The following LRIF1 variants were observed in gnomAD, a reference collection of about 807,000 sequenced individuals.
LRIF1 encodes ligand dependent nuclear receptor interacting factor 1.
In LRIF1, 32 loss-of-function variants were observed where a neutral mutation model predicts 52.7. The ratio of observed to expected loss-of-function variants is 0.61; its 90% confidence interval spans 0.46 to 0.82. LRIF1 has a LOEUF of 0.82. Among genes scored for constraint, LRIF1 ranks in the 40% least tolerant of loss-of-function variants. The pLI is 0.00. For missense variants in LRIF1, 887 were observed against 892.0 expected (o/e 0.99, Z 0.07); for synonymous variants, 323 against 317.4 (o/e 1.02, Z -0.19).
Position 110,952,713 on chromosome 1 carries a change from T to A in LRIF1, c.171A>T (p.Pro57=). 1 of 1,613,926 alleles carries A rather than the reference T, an allele frequency of 6.2e-7. No individual in the cohort carries two copies. Among genetic ancestry groups the A allele is most frequent in the Non-Finnish European group, 8.5e-7 (1 of 1,179,920 alleles). The change falls in exon 2 of 4, where the codon CCA becomes CCT. Residue 57 remains proline, a synonymous_variant. Coordinates refer to ENST00000369763, the MANE Select transcript of LRIF1 (RefSeq NM_018372.4). The stretch of plus-strand genomic sequence containing the variant: ...CAGACATGACTGAAGATTGAACTAG[T>A]GGTATAAGATTTCCAGAAGACTTAG... ...PIPKSSGNLI[P]LVQSSVMSDA...
the LRIF1 span, among the ~76,000 whole-genome samples, chr1:110,886,846 A>AATATATATAT: frequency 3.0e-5 from 3 of 101,012 alleles, no homozygotes; most frequent in Non-Finnish European, 6.4e-5. Context: ...CTCTGTCTCC[A>AATATATATAT]ATATATATAT....
chr1:110,962,035 T>G (rs1658973537), intron 1 of LRIF1, among the ~76,000 whole-genome samples: 1 of 148,998 alleles, frequency 6.7e-6, no homozygotes, highest in Admixed American at 6.7e-5. Context: ...CCAAAAGGAT[T>G]AGAAACTGGA....
intron 1 of LRIF1, among the ~76,000 whole-genome samples, chr1:110,960,304 CTATAG>C (rs113421702): frequency 9.9e-5 from 15 of 152,188 alleles, no homozygotes; most frequent in African/African-American, 2.9e-4. Context: ...CATTTAGACT[CTATAG>C]TATGTGTGTC....
chr1:110,904,056 G>A, the LRIF1 span, among the ~76,000 whole-genome samples: 1 of 152,202 alleles, frequency 6.6e-6, no homozygotes, highest in Admixed American at 6.5e-5. Flanking sequence ...GGAAAGGGGA[G>A]GGAAGAGTGG....
At chr1:110,956,808 T>C (rs1658718052) in intron 1 of LRIF1, among the ~76,000 whole-genome samples, 1 of 152,194 alleles carries the variant, frequency 6.6e-6, no homozygotes, top group Admixed American at 6.5e-5. Flanking sequence ...AGTTGGTAGA[T>C]GGTGTTAACA....
the LRIF1 span, among the ~76,000 whole-genome samples, chr1:110,906,880 G>GA: frequency 6.6e-6 from 1 of 152,072 alleles, no homozygotes; most frequent in Non-Finnish European, 1.5e-5. Flanking sequence ...TGCTCTTGAA[G>GA]AAAAAACACC....
chr1:110,942,553 TGA>T (rs1335292647), downstream of LRIF1, among the ~76,000 whole-genome samples: 1 of 152,088 alleles, frequency 6.6e-6, no homozygotes, highest in Non-Finnish European at 1.5e-5. Flanking sequence ...ATAATCTAGA[TGA>T]GAGATATAAT....
At chr1:110,901,432 T>C in the LRIF1 span, among the ~76,000 whole-genome samples, 5 of 150,094 alleles carry the variant, frequency 3.3e-5, no homozygotes, top group African/African-American at 1.2e-4. Flanking sequence ...CACCTTGGCT[T>C]CCCAAAGTGC....
the LRIF1 span, among the ~76,000 whole-genome samples, chr1:110,904,038 T>A: frequency 6.6e-6 from 1 of 152,192 alleles, no homozygotes; most frequent in East Asian, 1.9e-4. Context: ...GTGAGGCTCC[T>A]CTCCTTTGGA....
At chr1:110,879,742 T>A in the LRIF1 span, among the ~76,000 whole-genome samples, 1 of 151,836 alleles carries the variant, frequency 6.6e-6, no homozygotes, top group African/African-American at 2.4e-5. Context: ...CTTAAAAAAA[T>A]TTTAAAATAG....
chr1:110,951,919 AC>A lies in LRIF1; in HGVS notation c.964del (p.Val322Ter). 1 of 1,614,026 alleles carries A rather than the reference AC, an allele frequency of 6.2e-7. No individual in the cohort carries two copies. Among genetic ancestry groups the A allele is most frequent in the Non-Finnish European group, 8.5e-7 (1 of 1,179,980 alleles). ...ATTATCTCCCAAATTTTTCCTATCTACAAAAGTTTTTAAAATCTTTGAAGCC... is the reference window on the plus strand; with the variant it reads ...ATTATCTCCCAAATTTTTCCTATCTAAAAAGTTTTTAAAATCTTTGAAGCC... ...NVASKILKTF[V>X]DRKNLGDNTI... On this transcript the variant is annotated frameshift_variant, in exon 2 of 4. Transcript: ENST00000369763. LOFTEE classifies it high-confidence loss of function.
At chr1:110,894,255 G>A in the LRIF1 span, 2 of 1,316,646 alleles carry the variant, frequency 1.5e-6, no homozygotes, top group Admixed American at 1.7e-5. Flanking sequence ...GCCCCTGGAT[G>A]CTCCCAGAGC....
the LRIF1 span, among the ~76,000 whole-genome samples, chr1:110,887,609 T>C: frequency 6.6e-6 from 1 of 152,228 alleles, no homozygotes; most frequent in South Asian, 2.1e-4. Flanking sequence ...CTTGGGCCCT[T>C]ACTCTTAAGA....
At chr1:110,920,272 C>T in the LRIF1 span, among the ~76,000 whole-genome samples, 1 of 152,052 alleles carries the variant, frequency 6.6e-6, no homozygotes, top group African/African-American at 2.4e-5. Context: ...TTAATAATTG[C>T]CAAAACTTGA....
At chr1:110,954,999 T>C (rs1031870838) in intron 1 of LRIF1, among the ~76,000 whole-genome samples, 1 of 152,244 alleles carries the variant, frequency 6.6e-6, no homozygotes, top group East Asian at 1.9e-4. Flanking sequence ...CACTTACGCA[T>C]GAACAATTTC....
chr1:110,910,561 A>T, the LRIF1 span, among the ~76,000 whole-genome samples: 1 of 152,226 alleles, frequency 6.6e-6, no homozygotes, highest in African/African-American at 2.4e-5. Flanking sequence ...AGATCGTGCC[A>T]TTGCACTCCA....
At chr1:110,924,465 A>C in the LRIF1 span, among the ~76,000 whole-genome samples, 8,536 of 152,288 alleles carry the variant, frequency 0.056, 289 homozygotes, top group East Asian at 0.14. Context: ...GAGGGCAAAG[A>C]GGCAGCAAGG....
At chr1:110,927,861 G>T in the LRIF1 span, among the ~76,000 whole-genome samples, 3 of 152,114 alleles carry the variant, frequency 2.0e-5, no homozygotes, top group African/African-American at 7.2e-5. Context: ...ATAAGCAGCT[G>T]TTATAGTACA....
chr1:110,877,870 G>A, the LRIF1 span, among the ~76,000 whole-genome samples: 1 of 152,172 alleles, frequency 6.6e-6, no homozygotes, highest in Non-Finnish European at 1.5e-5. Context: ...AGGACGTACA[G>A]CGATAACTTT....
Sources: allele counts gnomAD v4.1 joint callset (sites outside exome capture counted in the v4.1 genomes callset), GRCh38; gene constraint gnomAD v4.1.1; transcripts MANE v1.5; gene names NCBI Gene and HGNC (gene_info 2026-07-23, HGNC 2026-07-21).